EIPR1: variants seen among roughly 807,000 people sequenced by gnomAD.
The protein encoded by EIPR1 is EARP and GARP complex-interacting protein 1.
EIPR1 carries 25 observed loss-of-function variants against 48.1 expected under a neutral mutation model. The ratio of observed to expected loss-of-function variants is 0.52; its 90% CI spans 0.38 to 0.73. The LOEUF (loss-of-function observed/expected upper bound fraction) is 0.73. EIPR1 is among the 30% of genes least tolerant of loss of function. The pLI is 0.00. For synonymous variants in EIPR1, 204 were observed against 201.9 expected, an observed-to-expected ratio of 1.01 and a Z score of -0.09; for missense variants, 415 against 506.2, an observed-to-expected ratio of 0.82 and a Z score of 1.73.
chr2:3,308,069 G>A (rs748186613), intron 3 of EIPR1, among the ~76,000 whole-genome samples: 5 of 152,178 alleles, frequency 3.3e-5, no homozygotes, highest in Non-Finnish European at 7.4e-5. Flanking sequence ...AGCGCTGGCC[G>A]ACGCTGTCGG....
chr2:3,212,476 G>A (rs1003224985), intron 5 of EIPR1, among the ~76,000 whole-genome samples: 4 of 151,318 alleles, frequency 2.6e-5, no homozygotes, highest in African/African-American at 9.7e-5. Flanking sequence ...TGTCTATACC[G>A]GGAGCTGGGC....
At chr2:3,348,071 G>C (rs1670457197) in intron 2 of EIPR1, among the ~76,000 whole-genome samples, 1 of 152,290 alleles carries the variant, frequency 6.6e-6, no homozygotes, top group African/African-American at 2.4e-5. Context: ...TTGCAGGCGG[G>C]GGGGCTGCAG....
chr2:3,268,682 G>T (rs757748645), intron 3 of EIPR1, among the ~76,000 whole-genome samples: 6 of 152,122 alleles, frequency 3.9e-5, no homozygotes, highest in African/African-American at 7.2e-5. Context: ...CTAGGACAGC[G>T]CGCGCAAGGG....
intron 3 of EIPR1, among the ~76,000 whole-genome samples, chr2:3,316,541 A>T (rs1043533429): frequency 1.3e-5 from 2 of 152,184 alleles, no homozygotes; most frequent in Non-Finnish European, 2.9e-5. Flanking sequence ...ATTCATTACT[A>T]TTTGGACAGA....
chr2:3,281,992 A>G (rs1215567361), intron 3 of EIPR1, among the ~76,000 whole-genome samples: 2 of 152,254 alleles, frequency 1.3e-5, no homozygotes, highest in South Asian at 2.1e-4. Flanking sequence ...TTCAAATGCC[A>G]GGATGCTTTA....
intron 3 of EIPR1, among the ~76,000 whole-genome samples, chr2:3,325,166 C>A (rs1021375026): frequency 6.6e-6 from 1 of 152,220 alleles, no homozygotes; most frequent in Non-Finnish European, 1.5e-5. Flanking sequence ...AGGCCAAGCT[C>A]TGGGCTCCCT....
intron 4 of EIPR1, among the ~76,000 whole-genome samples, chr2:3,219,187 A>G (rs1303783287): frequency 1.3e-5 from 2 of 150,832 alleles, no homozygotes; most frequent in East Asian, 3.9e-4. Context: ...GATACACTCT[A>G]GAGCTTTCAC....
intron 3 of EIPR1, among the ~76,000 whole-genome samples, chr2:3,267,006 C>A (rs112080985): frequency 6.4e-4 from 98 of 152,308 alleles, no homozygotes; most frequent in African/African-American, 2.4e-3. Context: ...TATAGGAGAG[C>A]TGACCATGGG....
At chr2:3,283,760 A>G (rs905863062) in intron 3 of EIPR1, among the ~76,000 whole-genome samples, 2 of 152,148 alleles carry the variant, frequency 1.3e-5, no homozygotes, top group Non-Finnish European at 2.9e-5. Flanking sequence ...CCTGGCCAAC[A>G]TGGTGAAATC....
intron 4 of EIPR1, among the ~76,000 whole-genome samples, chr2:3,247,060 GGAGAGAGGGAGGGAGA>G (rs1666854058): frequency 1.5e-4 from 3 of 20,278 alleles, no homozygotes; most frequent in Non-Finnish European, 1.8e-4. Context: ...AGAGAGGGAG[GGAGAGAGGGAGGGAGA>G]GAGGGAGGGA....
At chr2:3,376,690 C>CAAA (rs67873034) in intron 1 of EIPR1, among the ~76,000 whole-genome samples, 1 of 125,032 alleles carries the variant, frequency 8.0e-6, no homozygotes, top group Non-Finnish European at 1.7e-5. Context: ...GACTCCATCT[C>CAAA]AAAAAAAAAA....
intron 3 of EIPR1, among the ~76,000 whole-genome samples, chr2:3,336,506 G>A (rs1050713374): frequency 1.7e-4 from 26 of 152,262 alleles, no homozygotes; most frequent in African/African-American, 2.9e-4. Flanking sequence ...AGTGGCTCAC[G>A]TCTGTAATCC....
At chr2:3,377,354 G>A in intron 1 of EIPR1, 2 of 384,750 alleles carry the variant, frequency 5.2e-6, no homozygotes, top group Non-Finnish European at 9.2e-6. Context: ...AGGAAAAGGT[G>A]GGCGTGTAAA....
intron 5 of EIPR1, among the ~76,000 whole-genome samples, chr2:3,201,097 G>A (rs569462476): frequency 3.2e-4 from 48 of 152,282 alleles, no homozygotes; most frequent in East Asian, 5.8e-4. Flanking sequence ...CCCCAGGCAC[G>A]TGCTCCCACC....
chr2:3,341,802 A>AT (rs1670259964), intron 2 of EIPR1, among the ~76,000 whole-genome samples: 1 of 152,110 alleles, frequency 6.6e-6, no homozygotes, highest in African/African-American at 2.4e-5. Context: ...CACATTCTGG[A>AT]TGCGTGCACT....
intron 3 of EIPR1, among the ~76,000 whole-genome samples, chr2:3,261,172 T>G (rs1667323376): frequency 6.8e-6 from 1 of 146,588 alleles, no homozygotes; most frequent in Admixed American, 6.8e-5. Context: ...GAGACCAGAG[T>G]GCCGGCCAAG....
intron 3 of EIPR1, among the ~76,000 whole-genome samples, chr2:3,331,079 T>C (rs1669883132): frequency 7.2e-6 from 1 of 139,060 alleles, no homozygotes; most frequent in East Asian, 2.2e-4. Flanking sequence ...GGGCACACAC[T>C]CATGAGATGG....
intron 4 of EIPR1, among the ~76,000 whole-genome samples, chr2:3,252,282 C>T (rs1015703587): frequency 6.6e-6 from 1 of 152,072 alleles, no homozygotes; most frequent in African/African-American, 2.4e-5. Context: ...GCAGCGGCAA[C>T]TCCTACGAAG....
intron 3 of EIPR1, among the ~76,000 whole-genome samples, chr2:3,313,372 T>C (rs1009599124): frequency 2.0e-5 from 3 of 148,174 alleles, no homozygotes; most frequent in African/African-American, 7.9e-5. Flanking sequence ...GTTAAAAAAG[T>C]GGGTGGGGGG....
Sources: gnomAD v4.1 joint callset for allele counts (sites outside exome capture counted in the v4.1 genomes callset) on GRCh38, gnomAD v4.1.1 for gene constraint, MANE v1.5 for transcripts, NCBI Gene and HGNC (gene_info 2026-07-23, HGNC 2026-07-21) for gene names.